The following NELL2 variants were observed in gnomAD, a reference collection of about 807,000 sequenced individuals.
The protein encoded by NELL2 is protein kinase C-binding protein NELL2.
NELL2 carries 41 observed loss-of-function variants against 109.6 expected under a neutral mutation model. The observed-to-expected ratio is 0.37, with a 90% CI of 0.29 to 0.49. NELL2 has a LOEUF of 0.49. NELL2 is among the 20% of genes least tolerant of loss of function. The probability of loss-of-function intolerance (pLI) is 0.98; values close to 1 mark genes in which losing one functional copy is unlikely to be tolerated. For missense variants in NELL2, 900 were observed against 1,008.3 expected, an observed-to-expected ratio of 0.89 and a Z score of 1.45; for synonymous variants, 355 against 344.7, an observed-to-expected ratio of 1.03 and a Z score of -0.33.
intron 12 of NELL2, among the ~76,000 whole-genome samples, chr12:44,668,488 C>A (rs567444900): frequency 1.3e-5 from 2 of 152,136 alleles, no homozygotes; most frequent in South Asian, 4.1e-4. Flanking sequence ...ATCCATCCTA[C>A]CTACCACAGC....
intron 3 of NELL2, among the ~76,000 whole-genome samples, chr12:44,801,301 TG>T (rs1942821397): frequency 6.6e-6 from 1 of 152,144 alleles, no homozygotes; most frequent in South Asian, 2.1e-4. Context: ...AGAAGTAAAT[TG>T]TGTGAAAGAT....
At chr12:44,528,304 T>C (rs1354315734) in intron 16 of NELL2, among the ~76,000 whole-genome samples, 1 of 151,972 alleles carries the variant, frequency 6.6e-6, no homozygotes, top group Non-Finnish European at 1.5e-5. Context: ...GCCTTTCCTA[T>C]GAAGATGAAT....
intron 12 of NELL2, among the ~76,000 whole-genome samples, chr12:44,695,917 G>A (rs766079417): frequency 3.9e-4 from 60 of 152,054 alleles, no homozygotes; most frequent in Admixed American, 7.9e-4. Context: ...GCAAGAGGCT[G>A]AGGCTGCAAT....
chr12:44,774,252 C>T lies in NELL2; in HGVS notation c.994+495G>A, dbSNP rs76169873. On this transcript the variant is annotated intron_variant, in intron 9 of 19. Transcript: ENST00000429094. ...GCTAAAAGGCAGAAAAGCTTCCACA[C>T]ATGGTGGTGTGAGCCTTTTTTTCCC... Among the ~76,000 whole-genome samples the T allele has an allele frequency of 5.4e-3, 818 of 152,290 alleles. 4 individuals carry two copies. Among genetic ancestry groups the T allele is most frequent in the Middle Eastern group, 0.027 (8 of 294 alleles).
intron 13 of NELL2, among the ~76,000 whole-genome samples, chr12:44,619,195 G>A (rs1945949408): frequency 6.6e-6 from 1 of 152,132 alleles, no homozygotes; most frequent in South Asian, 2.1e-4. Flanking sequence ...TGCAGCTGGA[G>A]AAAACACAGG....
upstream of NELL2, among the ~76,000 whole-genome samples, chr12:44,917,589 G>A (rs1245852569): frequency 6.6e-6 from 1 of 152,182 alleles, no homozygotes; most frequent in East Asian, 1.9e-4. Context: ...TTGAACGTAT[G>A]TGAGGCCTGT....
At chr12:44,532,787 T>C in intron 15 of NELL2, 66 bp from the exon 16 acceptor site, 2 of 1,455,082 alleles carry the variant, frequency 1.4e-6, no homozygotes, top group South Asian at 2.8e-5. Flanking sequence ...AATATTCTGC[T>C]ACAAGGCTAC....
chr12:44,599,062 CA>C (rs1033224533), intron 15 of NELL2, among the ~76,000 whole-genome samples: 1 of 152,048 alleles, frequency 6.6e-6, no homozygotes, highest in Admixed American at 6.6e-5. Flanking sequence ...TACCACTTGG[CA>C]AAAACATTAA....
intron 13 of NELL2, among the ~76,000 whole-genome samples, chr12:44,632,668 T>C (rs1021400046): frequency 2.0e-5 from 3 of 152,076 alleles, no homozygotes; most frequent in African/African-American, 7.2e-5. Context: ...TTGACTAACA[T>C]TTAATTAATG....
At chr12:44,680,883 C>T (rs1948473506) in intron 12 of NELL2, among the ~76,000 whole-genome samples, 1 of 152,142 alleles carries the variant, frequency 6.6e-6, no homozygotes, top group African/African-American at 2.4e-5. Context: ...CTAACATTTA[C>T]TACAATGTAT....
intron 11 of NELL2, among the ~76,000 whole-genome samples, chr12:44,705,731 C>T (rs1937840992): frequency 6.6e-6 from 1 of 152,094 alleles, no homozygotes; most frequent in Non-Finnish European, 1.5e-5. Flanking sequence ...TATATTAAAA[C>T]AAAGTTACTA....
At chr12:44,901,911 AAG>A (rs935169706) in intron 1 of NELL2, among the ~76,000 whole-genome samples, 54 of 152,182 alleles carry the variant, frequency 3.5e-4, no homozygotes, top group Non-Finnish European at 6.8e-4. Flanking sequence ...TCAAAATAAT[AAG>A]AGCTATTTAT....
intron 15 of NELL2, among the ~76,000 whole-genome samples, chr12:44,550,574 A>G (rs1592104256): frequency 6.7e-6 from 1 of 150,154 alleles, no homozygotes; most frequent in East Asian, 1.9e-4. Flanking sequence ...TAAATAAATA[A>G]ATAAATAAAT....
chr12:44,629,792 C>A (rs1429144622), intron 13 of NELL2, among the ~76,000 whole-genome samples: 4 of 152,144 alleles, frequency 2.6e-5, no homozygotes, highest in Non-Finnish European at 5.9e-5. Flanking sequence ...ACATATTTGC[C>A]AACACTGTCA....
chr12:44,563,117 C>T (rs911139660), intron 15 of NELL2, among the ~76,000 whole-genome samples: 9 of 151,944 alleles, frequency 5.9e-5, no homozygotes, highest in African/African-American at 9.7e-5. Context: ...GAACAATGAG[C>T]ACACATGGAC....
At chr12:44,561,895 C>T (rs907584917) in intron 15 of NELL2, among the ~76,000 whole-genome samples, 3 of 152,160 alleles carry the variant, frequency 2.0e-5, no homozygotes, top group Non-Finnish European at 2.9e-5. Flanking sequence ...AAGCTGGAGG[C>T]ATCAAGCTAC....
chr12:44,573,435 T>C (rs1476695427), intron 15 of NELL2, among the ~76,000 whole-genome samples: 1 of 151,934 alleles, frequency 6.6e-6, no homozygotes, highest in Non-Finnish European at 1.5e-5. Flanking sequence ...AACAAAGAAA[T>C]GTACCACAAG....
intron 9 of NELL2, among the ~76,000 whole-genome samples, chr12:44,745,891 C>T (rs1181018913): frequency 6.6e-6 from 1 of 152,148 alleles, no homozygotes; most frequent in Non-Finnish European, 1.5e-5. Context: ...TTTATAGATT[C>T]AATGCCATCC....
chr12:44,522,460 A>G (rs1941582626), intron 17 of NELL2, among the ~76,000 whole-genome samples: 1 of 152,240 alleles, frequency 6.6e-6, no homozygotes, highest in South Asian at 2.1e-4. Context: ...GTGTATATAA[A>G]TGTCTTCATT....
Sources: allele counts gnomAD v4.1 joint callset (sites outside exome capture counted in the v4.1 genomes callset), GRCh38; gene constraint gnomAD v4.1.1; transcripts MANE v1.5; gene names NCBI Gene and HGNC (gene_info 2026-07-23, HGNC 2026-07-21).